The following LCOR variants were observed in gnomAD, a reference collection of about 807,000 sequenced individuals.
LCOR encodes ligand dependent nuclear receptor corepressor, also known as ligand-dependent corepressor.
A neutral mutation model predicts 64.4 loss-of-function variants in LCOR; 14 were observed. That is an observed-to-expected ratio of 0.22 (90% CI 0.14 to 0.34). The LOEUF (loss-of-function observed/expected upper bound fraction) is 0.34, where lower values mean the gene tolerates loss of function less well. Among genes scored for constraint, LCOR ranks in the 10% least tolerant of loss-of-function variants. The pLI is 1.00. For missense variants in LCOR, 1,686 were observed against 1,765.3 expected, an observed-to-expected ratio of 0.96 and a Z score of 0.80; for synonymous variants, 643 against 642.5, an observed-to-expected ratio of 1.00 and a Z score of -0.01.
chr10:96,935,835 TAAAC>T (rs770705118), intron 4 of LCOR, among the ~76,000 whole-genome samples: 6 of 151,942 alleles, frequency 3.9e-5, no homozygotes, highest in African/African-American at 7.3e-5. Flanking sequence ...ATCCTGTCTT[TAAAC>T]AAACAAACAA....
intron 4 of LCOR, among the ~76,000 whole-genome samples, chr10:96,943,412 A>G (rs1032001662): frequency 6.6e-6 from 1 of 152,324 alleles, no homozygotes; most frequent in African/African-American, 2.4e-5. Context: ...CACTGTTTAT[A>G]TTTCAAAGCT....
intron 2 of LCOR, among the ~76,000 whole-genome samples, chr10:96,849,312 A>T (rs1047154823): frequency 6.6e-6 from 1 of 151,948 alleles, no homozygotes; most frequent in Admixed American, 6.6e-5. Flanking sequence ...TGATCTCGTG[A>T]TCCACCCACC....
Position 96,982,254 on chromosome 10 carries a change from T to G in LCOR, c.1794T>G (p.Ile598Met), listed in dbSNP as rs1321349299. 1 of 1,614,120 alleles carries G rather than the reference T, an allele frequency of 6.2e-7. No homozygotes were observed. The highest frequency in any genetic ancestry group is 1.7e-5 in the Admixed American group (1 of 60,018). The change falls in exon 8 of 8, where the codon ATT (isoleucine) becomes ATG (methionine). Residue 598 changes from isoleucine to methionine, a missense_variant. By Grantham distance (10) the Ile-to-Met change is conservative. Around this residue, in one of 3 missense-constraint regions of LCOR, gnomAD observed 1,293 missense variants for 1,410.4 expected, o/e 0.92. Coordinates refer to ENST00000421806, the MANE Select transcript of LCOR (RefSeq NM_001346516.2). ...AGCCTGAGGTTTGCCCCACAAAGAT[T>G]AAGCCGAACCTGAGCAGCTCCCCTA... ...PQEPEVCPTK[I>M]KPNLSSSPRS...
rs770164532 is a variant in LCOR, at chr10:96,983,484, C to T, written c.3024C>T (p.Ala1008=). 6.2e-6 allele frequency: 10 copies of T among 1,614,006 alleles called. No individual in the cohort carries two copies. In the Admixed American group the frequency reaches 6.7e-5, roughly 11 times the overall value. ...AGCAGAAAGATGATGAGAGTGATGC[C>T]CCATGCAGCTCTCTTGGGTTGTCGA... ...NTQQKDDESD[A]PCSSLGLSSS... Residue 1008 remains alanine, a synonymous_variant, in exon 8 of 8, where the codon GCC becomes GCT. Transcript: ENST00000421806. This position sits in a 1 kb window ranked among gnomAD's most constrained non-coding sequence, Gnocchi z 4.5.
At chr10:96,891,508 A>G (rs1262821841) in intron 2 of LCOR, among the ~76,000 whole-genome samples, 1 of 62,078 alleles carries the variant, frequency 1.6e-5, no homozygotes, top group Non-Finnish European at 3.4e-5. Context: ...TTTTTGAGAC[A>G]GGGTCTTACT....
chr10:96,959,592 ATTAC>A (rs1847848510), intron 7 of LCOR: 1 of 152,128 alleles, frequency 6.6e-6, no homozygotes, highest in Non-Finnish European at 1.5e-5. Flanking sequence ...AATGTAGTAT[ATTAC>A]TTTGTTCAGT....
intron 2 of LCOR, among the ~76,000 whole-genome samples, chr10:96,906,782 G>A (rs960133456): frequency 6.6e-5 from 10 of 152,104 alleles, no homozygotes; most frequent in Non-Finnish European, 1.3e-4. Context: ...CAAAAGTCTT[G>A]CACCTTGTGT....
At position 96,957,141 on chromosome 10, in the gene LCOR, T is replaced by C. The variant is rs1289135450; in HGVS notation, c.332+4945T>C. 7.1e-6 allele frequency: 7 copies of C among 984,988 alleles called. No homozygotes were observed. The African/African-American group carries it at 1.2e-4, about 17-fold the overall frequency. The allele number at this position is 984,988 out of a possible 1,614,324, so 61.0% of individuals were successfully genotyped here. A position where few individuals can be genotyped will look rare whatever the true frequency, so the allele number is the denominator to read the frequency against. ...CTTTTTTAACTGATCCAAATACTAGTAGAAGGGGGAGGGAGAGGTGTTGGG... is the reference window on the plus strand; with the variant it reads ...CTTTTTTAACTGATCCAAATACTAGCAGAAGGGGGAGGGAGAGGTGTTGGG... On this transcript the variant is annotated intron_variant, in intron 7 of 7. Coordinates refer to ENST00000421806, the MANE Select transcript of LCOR (RefSeq NM_001346516.2).
At chr10:96,900,251 T>G (rs1475508432) in intron 2 of LCOR, among the ~76,000 whole-genome samples, 1 of 152,176 alleles carries the variant, frequency 6.6e-6, no homozygotes, top group Non-Finnish European at 1.5e-5. Context: ...ATTATAATTT[T>G]ATTCCATTGT....
chr10:96,947,011 A>G (rs1223075481), intron 5 of LCOR, among the ~76,000 whole-genome samples: 4 of 152,108 alleles, frequency 2.6e-5, no homozygotes, highest in Non-Finnish European at 5.9e-5. Flanking sequence ...GTTCATATGG[A>G]GATTTATGTA....
intron 4 of LCOR, among the ~76,000 whole-genome samples, chr10:96,942,445 GGA>G (rs1315551526): frequency 2.6e-5 from 3 of 116,446 alleles, no homozygotes; most frequent in South Asian, 2.7e-4. Flanking sequence ...AGGAGACCGT[GGA>G]GAGAGGGAGA....
intron 2 of LCOR, among the ~76,000 whole-genome samples, chr10:96,873,305 T>C (rs541526359): frequency 1.3e-4 from 20 of 152,158 alleles, no homozygotes; most frequent in Non-Finnish European, 2.5e-4. Flanking sequence ...GGAAAAAAAC[T>C]AAGTCATTGG....
intron 2 of LCOR, among the ~76,000 whole-genome samples, chr10:96,893,762 CAAAAAAAAAA>C (rs376847220): frequency 9.5e-5 from 9 of 94,556 alleles, no homozygotes; most frequent in Admixed American, 4.6e-4. Flanking sequence ...GACTCTGTTT[CAAAAAAAAAA>C]AAAAAAGAAA....
intron 7 of LCOR, among the ~76,000 whole-genome samples, chr10:96,967,831 A>AT (rs1847964572): frequency 6.6e-6 from 1 of 152,192 alleles, no homozygotes; most frequent in Non-Finnish European, 1.5e-5. Context: ...ACTTTAAGTT[A>AT]TTCATAATTT....
chr10:96,962,523 T>C (rs1157323117), intron 7 of LCOR: 1 of 152,188 alleles, frequency 6.6e-6, no homozygotes, highest in Non-Finnish European at 1.5e-5. Context: ...ACTAGGTTAG[T>C]ATTACCAGCA....
At chr10:96,941,267 G>T (rs1307060621) in intron 4 of LCOR, among the ~76,000 whole-genome samples, 8 of 142,886 alleles carry the variant, frequency 5.6e-5, no homozygotes, top group Non-Finnish European at 1.1e-4. Flanking sequence ...CCCGGACGGG[G>T]CGGCTGGCCA....
chr10:96,875,335 T>C (rs1270731778), intron 2 of LCOR, among the ~76,000 whole-genome samples: 1 of 151,710 alleles, frequency 6.6e-6, no homozygotes, highest in Non-Finnish European at 1.5e-5. Context: ...AGTGGGCCAC[T>C]GTACTCCAGC....
chr10:96,953,475 C>T (rs575205972), intron 7 of LCOR, among the ~76,000 whole-genome samples: 1 of 152,084 alleles, frequency 6.6e-6, no homozygotes, highest in Non-Finnish European at 1.5e-5. Context: ...CGCTTGAGCC[C>T]AGAAGGTCAC....
intron 2 of LCOR, among the ~76,000 whole-genome samples, chr10:96,851,471 G>A (rs894471134): frequency 3.3e-5 from 5 of 152,290 alleles, no homozygotes; most frequent in Non-Finnish European, 5.9e-5. Context: ...TTATAGTGAC[G>A]ATGAAGATGG....
Sources: allele counts gnomAD v4.1 joint callset (sites outside exome capture counted in the v4.1 genomes callset), GRCh38; gene constraint gnomAD v4.1.1; regional missense constraint gnomAD v4.1.1; non-coding constraint Gnocchi (gnomAD v3.1); transcripts MANE v1.5; gene names NCBI Gene and HGNC (gene_info 2026-07-23, HGNC 2026-07-21).